The following ERGIC2 variants were observed in gnomAD, a reference collection of about 807,000 sequenced individuals.
ERGIC2 encodes the protein ERGIC and golgi 2.
A neutral mutation model predicts 52.5 loss-of-function variants in ERGIC2; 31 were observed. The observed-to-expected ratio is 0.59, with a 90% CI of 0.44 to 0.80. ERGIC2 has a LOEUF of 0.80. Among genes scored for constraint, ERGIC2 ranks in the 30% least tolerant of loss-of-function variants. The probability of loss-of-function intolerance (pLI) is 0.00; values close to 1 mark genes in which losing one functional copy is unlikely to be tolerated. For missense variants in ERGIC2, 395 were observed against 455.2 expected (o/e 0.87, Z 1.20); for synonymous variants, 129 against 140.6 (o/e 0.92, Z 0.58).
intron 8 of ERGIC2, among the ~76,000 whole-genome samples, chr12:29,353,756 C>G (rs1940166277): frequency 6.6e-6 from 1 of 150,466 alleles, no homozygotes; most frequent in South Asian, 2.1e-4. Flanking sequence ...CAGGTGTATT[C>G]ATTTTATGAA....
intron 8 of ERGIC2, among the ~76,000 whole-genome samples, chr12:29,355,150 T>G (rs1940184921): frequency 6.6e-6 from 1 of 152,150 alleles, no homozygotes; most frequent in Non-Finnish European, 1.5e-5. Context: ...TGTTCAAAGG[T>G]CTTCCTCAAT....
intron 3 of ERGIC2, among the ~76,000 whole-genome samples, chr12:29,369,103 T>C (rs1191153303): frequency 1.3e-5 from 2 of 151,906 alleles, no homozygotes; most frequent in East Asian, 1.9e-4. Flanking sequence ...CTTCATGAAG[T>C]CTTAAAGTCA....
In ERGIC2 at chr12:29,345,481, T is replaced by C; in HGVS notation, c.787A>G (p.Ile263Val). The C allele has an allele frequency of 6.2e-7, 1 of 1,602,868 alleles. No homozygotes were observed. The highest frequency in any genetic ancestry group is 8.5e-7 in the Non-Finnish European group (1 of 1,171,360). Residue 263 changes from isoleucine (I) to valine (V), a missense_variant, in exon 11 of 14, where the codon ATA becomes GTA. Coordinates refer to ENST00000360150, the MANE Select transcript of ERGIC2 (RefSeq NM_016570.3). ...VVPTKLHTYK[I>V]SADTHQFSVT... ...GAAAACTGATGGGTGTCTGCTGATA[T>C]TTTATATGTATGTAGTTTTGTTGGC...
chr12:29,351,678 T>C (rs1038720317), intron 8 of ERGIC2, among the ~76,000 whole-genome samples: 27 of 152,188 alleles, frequency 1.8e-4, no homozygotes, highest in African/African-American at 6.0e-4. Context: ...AAATTTATTT[T>C]TTCTGGAGTC....
Position 29,337,574 on chromosome 12 carries a change from C to A in ERGIC2, c.*3582G>T, listed in dbSNP as rs1949806157. 1 of 152,016 alleles carries A rather than the reference C, an allele frequency of 6.6e-6. No individual in the cohort carries two copies. Among genetic ancestry groups the A allele is most frequent in the African/African-American group, 2.4e-5 (1 of 41,388 alleles). 9.4% of individuals were successfully genotyped at this position (152,016 alleles called of 1,614,324 possible). A position where few individuals can be genotyped will look rare whatever the true frequency, so the allele number is the denominator to read the frequency against. ...ATGGATCTTGATCCGGGCATTTTAC[C>A]ATAAGGTAGTAAACAACTGGTGACC... On this transcript the variant is annotated 3_prime_UTR_variant, in exon 14 of 14. Transcript: ENST00000360150.
At chr12:29,373,896 T>A (rs945926827) in intron 1 of ERGIC2, among the ~76,000 whole-genome samples, 1 of 152,250 alleles carries the variant, frequency 6.6e-6, no homozygotes, top group Middle Eastern at 3.2e-3. Flanking sequence ...CCATGCCCGC[T>A]AAACTTGTTT....
intron 1 of ERGIC2, among the ~76,000 whole-genome samples, chr12:29,378,258 G>T (rs1406363349): frequency 2.6e-5 from 4 of 152,144 alleles, no homozygotes; most frequent in Admixed American, 2.0e-4. Flanking sequence ...CCCAGGCATA[G>T]CAAGGATTGC....
Position 29,366,962 on chromosome 12 carries a change from G to A in ERGIC2, c.263-15C>T. The stretch of plus-strand genomic sequence containing the variant: ...CGCTCCAACATCTGCATAGAAAAAA[G>A]AATTAGAAGTTTTACATTCTATGCT... On this transcript the variant is annotated splice_polypyrimidine_tract_variant and intron_variant, in intron 4 of 13. Transcript: ENST00000360150. The A allele has an allele frequency of 6.7e-7, 1 of 1,492,830 alleles. No homozygotes were observed. The highest frequency in any genetic ancestry group is 1.9e-5 in the Admixed American group (1 of 53,070). 92.5% of individuals were successfully genotyped at this position (1,492,830 alleles called of 1,614,324 possible).
In ERGIC2 at chr12:29,370,205, T is replaced by C; in HGVS notation, c.124A>G (p.Thr42Ala). 6.5e-7 allele frequency: 1 copy of C among 1,545,950 alleles called. No homozygotes were observed. The change falls in exon 3 of 14, where the codon ACA (threonine) becomes GCA (alanine). Residue 42 changes from threonine to alanine, a missense_variant. Coordinates refer to ENST00000360150, the MANE Select transcript of ERGIC2 (RefSeq NM_016570.3). ...SGGTVSLIAF[T>A]TMALLTIMEF... Reference sequence around the variant, plus strand: ...ATTATGGTTAATAAAGCCATAGTTGTAAATGCTATTAGAGAAACTGGGAAA... The same window carrying C: ...ATTATGGTTAATAAAGCCATAGTTGCAAATGCTATTAGAGAAACTGGGAAA...
At chr12:29,357,599 G>A (rs1343991445) in intron 7 of ERGIC2, 24 bp downstream of exon 7, 1 of 1,160,264 alleles carries the variant, frequency 8.6e-7, no homozygotes, top group Non-Finnish European at 1.3e-6. Context: ...ATAAACAGTT[G>A]CACATTTAAA....
chr12:29,372,540 T>C (rs1353383198), intron 1 of ERGIC2: 2 of 152,166 alleles, frequency 1.3e-5, no homozygotes, highest in Non-Finnish European at 2.9e-5. Flanking sequence ...TAACCAAAAT[T>C]TGATTACGAG....
At chr12:29,342,271 C>A (rs921180826) in intron 12 of ERGIC2, among the ~76,000 whole-genome samples, 2 of 152,202 alleles carry the variant, frequency 1.3e-5, no homozygotes, top group Non-Finnish European at 2.9e-5. Context: ...GCCTTGGCCT[C>A]CCAAAGTGTT....
rs1346656376 is a variant in ERGIC2, at chr12:29,339,198, A to G, written c.*1958T>C. The G allele has an allele frequency of 1.3e-5, 2 of 152,192 alleles. No homozygotes were observed. Among genetic ancestry groups the G allele is most frequent in the Non-Finnish European group, 2.9e-5 (2 of 68,028 alleles). 9.4% of individuals were successfully genotyped at this position (152,192 alleles called of 1,614,324 possible). A position where few individuals can be genotyped will look rare whatever the true frequency, so the allele number is the denominator to read the frequency against. ...TAAAGAAATTCCTTTCATAGGAGAT[A>G]AATTTCATTAAAATTTTAATATGGT... is the stretch of plus-strand genomic sequence containing the variant. On this transcript the variant is annotated 3_prime_UTR_variant, in exon 14 of 14. Transcript: ENST00000360150.
Position 29,345,559 on chromosome 12 carries a change from T to C in ERGIC2, c.728-19A>G, listed in dbSNP as rs1323103314. The C allele has an allele frequency of 7.6e-7, 1 of 1,315,670 alleles. No individual in the cohort carries two copies. The highest frequency in any genetic ancestry group is 1.2e-5 in the South Asian group (1 of 85,188). The allele number at this position is 1,315,670 out of a possible 1,614,324, so 81.5% of individuals were successfully genotyped here. On this transcript the variant is annotated intron_variant, in intron 10 of 13. Coordinates refer to ENST00000360150, the MANE Select transcript of ERGIC2 (RefSeq NM_016570.3). ...TGGTTGTCTAGAATACAAAAAAAAC[T>C]TTTTATCAATTCAGTAGCAACAAAA...
At chr12:29,342,256 C>A (rs149811519) in intron 12 of ERGIC2, among the ~76,000 whole-genome samples, 1 of 152,180 alleles carries the variant, frequency 6.6e-6, no homozygotes, top group Non-Finnish European at 1.5e-5. Context: ...CAAGTTGATC[C>A]GCCAGCCTTG....
intron 12 of ERGIC2, 109 bp downstream of exon 12, chr12:29,343,011 T>G: frequency 1.1e-6 from 1 of 891,062 alleles, no homozygotes; most frequent in Non-Finnish European, 1.6e-6. Context: ...CAAAAGCTAT[T>G]TAAACACCGA....
At chr12:29,356,337 C>T (rs1343760303) in intron 8 of ERGIC2, 45 bp downstream of exon 8, 1 of 1,185,322 alleles carries the variant, frequency 8.4e-7, no homozygotes, top group Non-Finnish European at 1.3e-6. Flanking sequence ...TTTAACCAAG[C>T]TCCAACTTTG....
chr12:29,365,660 A>T, intron 5 of ERGIC2, among the ~76,000 whole-genome samples: 1 of 77,296 alleles, frequency 1.3e-5, no homozygotes, highest in Admixed American at 1.8e-4. Flanking sequence ...ATAAGGTAAG[A>T]ATGGCAGAAA....
intron 3 of ERGIC2, 113 bp from the exon 4 acceptor site, chr12:29,368,400 G>A (rs930546972): frequency 3.9e-5 from 23 of 595,344 alleles, no homozygotes; most frequent in Admixed American, 6.3e-5. Flanking sequence ...AAATTATGTC[G>A]ATTAGAACTT....
Sources: allele counts gnomAD v4.1 joint callset (sites outside exome capture counted in the v4.1 genomes callset), GRCh38; gene constraint gnomAD v4.1.1; transcripts MANE v1.5; gene names NCBI Gene and HGNC (gene_info 2026-07-23, HGNC 2026-07-21).